Variants in PLXNA4 observed in about 807,000 individuals in gnomAD.
The protein encoded by PLXNA4 is plexin-A4.
In PLXNA4, 44 loss-of-function variants were observed where a neutral mutation model predicts 191.8. The ratio of observed to expected loss-of-function variants is 0.23; its 90% CI spans 0.18 to 0.29. The LOEUF is 0.29. Ranked by LOEUF, PLXNA4 falls within the 10% of genes least tolerant of loss-of-function variation. The pLI, the probability that PLXNA4 is intolerant of heterozygous loss-of-function variation, is 1.00. For synonymous variants in PLXNA4, 1,082 were observed against 1,009.5 expected, an observed-to-expected ratio of 1.07 and a Z score of -1.36; for missense variants, 1,800 against 2,488.8, an observed-to-expected ratio of 0.72 and a Z score of 5.89.
intron 25 of PLXNA4, among the ~76,000 whole-genome samples, chr7:132,155,861 A>G (rs1050808835): frequency 6.6e-6 from 1 of 152,158 alleles, no homozygotes; most frequent in African/African-American, 2.4e-5. Context: ...ATTAACATTT[A>G]TATCAGGATG....
chr7:132,343,257 A>T (rs998373618), intron 3 of PLXNA4, among the ~76,000 whole-genome samples: 2 of 152,200 alleles, frequency 1.3e-5, no homozygotes, highest in East Asian at 3.9e-4. Flanking sequence ...CATAAAATTG[A>T]CCATCTTAAT....
At chr7:132,416,403 A>G (rs1293177078) in intron 3 of PLXNA4, among the ~76,000 whole-genome samples, 1 of 152,198 alleles carries the variant, frequency 6.6e-6, no homozygotes, top group Non-Finnish European at 1.5e-5. Context: ...CTTTTCATAC[A>G]TTACAATAAG....
chr7:132,399,029 T>C (rs1228394491), intron 3 of PLXNA4, among the ~76,000 whole-genome samples: 1 of 152,148 alleles, frequency 6.6e-6, no homozygotes, highest in Non-Finnish European at 1.5e-5. Context: ...CAGGGCTGGA[T>C]AAGGGTTTTA....
intron 2 of PLXNA4, among the ~76,000 whole-genome samples, chr7:132,615,925 G>A (rs1803144713): frequency 2.8e-5 from 1 of 35,220 alleles, no homozygotes; most frequent in Admixed American, 2.9e-4. Flanking sequence ...GACAGATAAA[G>A]GATCTCTCTC....
At chr7:132,369,629 G>A (rs181598459) in intron 3 of PLXNA4, among the ~76,000 whole-genome samples, 5 of 152,202 alleles carry the variant, frequency 3.3e-5, no homozygotes, top group Admixed American at 2.0e-4. Context: ...AGCCATCACC[G>A]AAAAGCAGGC....
chr7:132,391,648 TA>T (rs1793493517), intron 3 of PLXNA4, among the ~76,000 whole-genome samples: 1 of 152,096 alleles, frequency 6.6e-6, no homozygotes, highest in Non-Finnish European at 1.5e-5. Flanking sequence ...GACAGTGGGT[TA>T]GGGGGGCAGT....
chr7:132,169,006 C>A (rs1374947373), intron 21 of PLXNA4, among the ~76,000 whole-genome samples: 2 of 152,230 alleles, frequency 1.3e-5, no homozygotes, highest in African/African-American at 2.4e-5. Flanking sequence ...TAATGCCCAC[C>A]CCTCTCCAGC....
chr7:132,385,406 T>C lies in PLXNA4; in HGVS notation c.1372-87184A>G. The C allele has an allele frequency of 5.8e-6, 8 of 1,380,308 alleles. No homozygotes were observed. The South Asian group carries it at 1.1e-4, about 18-fold the overall frequency. The allele number at this position is 1,380,308 out of a possible 1,614,324, so 85.5% of individuals were successfully genotyped here. A position where few individuals can be genotyped will look rare whatever the true frequency, so the allele number is the denominator to read the frequency against. On this transcript the variant is annotated intron_variant, in intron 3 of 31. Coordinates refer to ENST00000321063, the MANE Select transcript of PLXNA4 (RefSeq NM_020911.2). ...TTACAGTAAATATGTATTACAGTTCTGAAATACAGTAAATATGTATTACAA... is the reference window on the plus strand; with the variant it reads ...TTACAGTAAATATGTATTACAGTTCCGAAATACAGTAAATATGTATTACAA...
intron 4 of PLXNA4, among the ~76,000 whole-genome samples, chr7:132,279,750 C>T (rs1800409078): frequency 6.6e-6 from 1 of 152,190 alleles, no homozygotes; most frequent in Non-Finnish European, 1.5e-5. Context: ...ACTCCACTGC[C>T]ACCCACAGTA....
intron 3 of PLXNA4, among the ~76,000 whole-genome samples, chr7:132,456,108 GTTCT>G (rs1796305932): frequency 7.1e-6 from 1 of 140,918 alleles, no homozygotes; most frequent in African/African-American, 2.9e-5. Context: ...CATCTCCTCT[GTTCT>G]TTTTTTTTTT....
intron 3 of PLXNA4, among the ~76,000 whole-genome samples, chr7:132,417,603 GCAATA>G (rs1163783711): frequency 6.7e-6 from 1 of 149,742 alleles, no homozygotes; most frequent in African/African-American, 2.5e-5. Context: ...AAATAAATAA[GCAATA>G]CAATAGATTA....
intron 3 of PLXNA4, among the ~76,000 whole-genome samples, chr7:132,357,150 ACCATCTTCAT>A (rs1208284224): frequency 6.6e-6 from 1 of 152,206 alleles, no homozygotes; most frequent in Non-Finnish European, 1.5e-5. Flanking sequence ...GGCTAGAGAC[ACCATCTTCAT>A]CTAAAAACAG....
At chr7:132,612,155 G>A (rs537722219) in intron 2 of PLXNA4, among the ~76,000 whole-genome samples, 30 of 152,294 alleles carry the variant, frequency 2.0e-4, no homozygotes, top group African/African-American at 7.2e-4. Flanking sequence ...CCAAAGGATA[G>A]CACATGTCCG....
At chr7:132,521,931 T>C (rs965429769) in intron 1 of PLXNA4, among the ~76,000 whole-genome samples, 1 of 152,094 alleles carries the variant, frequency 6.6e-6, no homozygotes. Flanking sequence ...GAAAGGAGCA[T>C]GTTGGTAGAG....
intron 1 of PLXNA4, among the ~76,000 whole-genome samples, chr7:132,538,664 A>G (rs868620748): frequency 3.3e-5 from 5 of 152,358 alleles, no homozygotes; most frequent in Middle Eastern, 6.8e-3. Context: ...GCCCCTGCAC[A>G]TGATAAGCAG....
At chr7:132,395,090 T>C (rs1793701999) in intron 3 of PLXNA4, among the ~76,000 whole-genome samples, 2 of 152,230 alleles carry the variant, frequency 1.3e-5, no homozygotes, top group South Asian at 2.1e-4. Flanking sequence ...CAGCTGCTGA[T>C]AAACAGCTAG....
chr7:132,215,348 T>C (rs2116920767), intron 9 of PLXNA4, among the ~76,000 whole-genome samples: 1 of 152,302 alleles, frequency 6.6e-6, no homozygotes, highest in East Asian at 1.9e-4. Context: ...ACCCTCTGAG[T>C]CTCTTTATTC....
intron 9 of PLXNA4, among the ~76,000 whole-genome samples, chr7:132,212,175 G>T (rs751407): frequency 7.9e-5 from 12 of 152,074 alleles, no homozygotes; most frequent in Non-Finnish European, 1.8e-4. Flanking sequence ...TCCTGGGCAG[G>T]TTGATCATCA....
chr7:132,602,848 C>A (rs112115242), intron 2 of PLXNA4, among the ~76,000 whole-genome samples: 2 of 152,226 alleles, frequency 1.3e-5, no homozygotes, highest in African/African-American at 4.8e-5. Flanking sequence ...CTTCTCTACC[C>A]GTGGAAGAGT....
Sources: allele counts gnomAD v4.1 joint callset (sites outside exome capture counted in the v4.1 genomes callset), GRCh38; gene constraint gnomAD v4.1.1; transcripts MANE v1.5; gene names NCBI Gene and HGNC (gene_info 2026-07-23, HGNC 2026-07-21).